The following ARSB variants were observed in gnomAD, a reference collection of about 807,000 sequenced individuals.
ARSB encodes arylsulfatase B.
A neutral mutation model predicts 50.9 loss-of-function variants in ARSB; 41 were observed. The observed-to-expected ratio is 0.81, with a 90% confidence interval of 0.63 to 1.04. The LOEUF (loss-of-function observed/expected upper bound fraction) is 1.04, where lower values mean the gene tolerates loss of function less well. Ranked by LOEUF, ARSB falls within the 50% of genes least tolerant of loss-of-function variation. The probability of loss-of-function intolerance (pLI) is 0.00; values close to 1 mark genes in which losing one functional copy is unlikely to be tolerated. For synonymous variants in ARSB, 269 were observed against 284.8 expected (o/e 0.94, Z 0.56); for missense variants, 672 against 693.3 (o/e 0.97, Z 0.35).
At chr5:78,790,676 C>T (rs1247268280) in intron 6 of ARSB, among the ~76,000 whole-genome samples, 5 of 152,158 alleles carry the variant, frequency 3.3e-5, no homozygotes, top group Non-Finnish European at 5.9e-5. Context: ...CAGATATTAA[C>T]ATCTGTCAAT....
intron 4 of ARSB, among the ~76,000 whole-genome samples, chr5:78,894,200 T>C (rs1340634441): frequency 1.3e-5 from 2 of 152,204 alleles, no homozygotes; most frequent in African/African-American, 4.8e-5. Context: ...AACAGAATTG[T>C]GGTTTCAAAA....
At chr5:78,954,202 C>T (rs1751611765) in intron 4 of ARSB, among the ~76,000 whole-genome samples, 3 of 152,022 alleles carry the variant, frequency 2.0e-5, no homozygotes, top group South Asian at 2.1e-4. Flanking sequence ...GAGGGCCACA[C>T]AATTCCAAAA....
chr5:78,952,470 T>C (rs1160105254), intron 4 of ARSB, among the ~76,000 whole-genome samples: 1 of 152,066 alleles, frequency 6.6e-6, no homozygotes, highest in East Asian at 1.9e-4. Flanking sequence ...TCCAGTAGCT[T>C]GGACTACAGG....
In ARSB at chr5:78,964,145, A is replaced by C. The variant is rs7730261; in HGVS notation, c.690+271T>G. Among the ~76,000 whole-genome samples, 40,350 of 152,062 alleles carry C rather than the reference A, an allele frequency of 0.27. 6,659 individuals carry two copies. The highest frequency in any genetic ancestry group is 0.47 in the African/African-American group (19,468 of 41,456). On this transcript the variant is annotated intron_variant, in intron 3 of 7. Transcript: ENST00000264914. ...TTCCTCAAAGTGTGATCTGGGGACC[A>C]CTCTTAAGAATCACCTTTTAAGAGT...
At chr5:78,811,606 T>G (rs150223132) in intron 6 of ARSB, among the ~76,000 whole-genome samples, 152 of 152,354 alleles carry the variant, frequency 1.0e-3, no homozygotes, top group African/African-American at 3.4e-3. Context: ...TGTTAACCTT[T>G]TAAACATTTG....
intron 6 of ARSB, among the ~76,000 whole-genome samples, chr5:78,788,228 A>G (rs16875913): frequency 0.098 from 14,856 of 152,280 alleles, 786 homozygotes; most frequent in Middle Eastern, 0.2. Flanking sequence ...ATTCAGCTAT[A>G]AGATGGATTA....
rs751816852 is a variant in ARSB at position 78,985,121 on chromosome 5, CGGCTGGCCCCGG to C, written c.116_127del (p.Ala39_Arg43delinsGly). The C allele has an allele frequency of 3.4e-6, 5 of 1,481,784 alleles. No individual in the cohort carries two copies. The African/African-American group carries it at 5.8e-5, about 17-fold the overall frequency. The allele number at this position is 1,481,784 out of a possible 1,614,324, so 91.8% of individuals were successfully genotyped here. A position where few individuals can be genotyped will look rare whatever the true frequency, so the allele number is the denominator to read the frequency against. Reference sequence around the variant, plus strand: ...CAGCAAGAAGACCAGGTGGGGCGGCCGGCTGGCCCCGGCGCCCGAGCCCGGCGGCGCCAACAA... The same window carrying C: ...CAGCAAGAAGACCAGGTGGGGCGGCCCGCCCGAGCCCGGCGGCGCCAACAA... On this transcript the variant is annotated inframe_deletion, in exon 1 of 8. Transcript: ENST00000264914.
At chr5:78,908,456 A>G (rs575143999) in intron 4 of ARSB, among the ~76,000 whole-genome samples, 1 of 152,320 alleles carries the variant, frequency 6.6e-6, no homozygotes, top group Non-Finnish European at 1.5e-5. Flanking sequence ...GTGGAGCAGC[A>G]GCGGAGAGCA....
rs61543461 is a variant in ARSB, at chr5:78,785,494, G to A, written c.1214-3520C>T. Among the ~76,000 whole-genome samples the A allele has an allele frequency of 3.4e-3, 524 of 152,234 alleles. 3 individuals carry two copies. Among genetic ancestry groups the A allele is most frequent in the African/African-American group, 0.012 (501 of 41,544 alleles). ...TCTTCTATGACTGGATAATTATTTTGAAAACTCCCTCTTTAATTCTAATAG... is the reference window on the plus strand; with the variant it reads ...TCTTCTATGACTGGATAATTATTTTAAAAACTCCCTCTTTAATTCTAATAG... On this transcript the variant is annotated intron_variant, in intron 6 of 7. Transcript: ENST00000264914.
intron 6 of ARSB, among the ~76,000 whole-genome samples, chr5:78,834,607 G>GTGTATATATATATATA (rs1185355030): frequency 1.4e-4 from 12 of 85,644 alleles, no homozygotes; most frequent in Non-Finnish European, 2.1e-4. Context: ...ATATATATGT[G>GTGTATATATATATATA]TATATATATA....
At chr5:78,813,071 C>CCTTT (rs2112661544) in intron 6 of ARSB, among the ~76,000 whole-genome samples, 1 of 152,068 alleles carries the variant, frequency 6.6e-6, no homozygotes, top group Non-Finnish European at 1.5e-5. Context: ...TTTCTTCCTT[C>CCTTT]CTTCCTTTCT....
intron 4 of ARSB, among the ~76,000 whole-genome samples, chr5:78,952,687 T>C (rs1211966529): frequency 1.3e-5 from 2 of 152,176 alleles, no homozygotes; most frequent in African/African-American, 4.8e-5. Context: ...TTAGAGATAT[T>C]TAATACAGTC....
intron 4 of ARSB, among the ~76,000 whole-genome samples, chr5:78,897,646 G>A (rs1371889897): frequency 1.3e-5 from 2 of 152,144 alleles, no homozygotes; most frequent in Non-Finnish European, 2.9e-5. Flanking sequence ...TATGGCCCAT[G>A]GGAGTGGCAT....
intron 6 of ARSB, among the ~76,000 whole-genome samples, chr5:78,782,334 T>A (rs1441665066): frequency 6.6e-6 from 1 of 152,254 alleles, no homozygotes; most frequent in African/African-American, 2.4e-5. Context: ...AAACACACTT[T>A]CTGTGTATAC....
At chr5:78,785,941 T>A (rs886541482) in intron 6 of ARSB, among the ~76,000 whole-genome samples, 1 of 152,208 alleles carries the variant, frequency 6.6e-6, no homozygotes, top group African/African-American at 2.4e-5. Flanking sequence ...TTCCTTCTAA[T>A]CAATAGGGAG....
intron 6 of ARSB, among the ~76,000 whole-genome samples, chr5:78,824,317 A>C (rs969917868): frequency 1.3e-5 from 2 of 152,268 alleles, no homozygotes; most frequent in Non-Finnish European, 2.9e-5. Context: ...GTCTTTAATT[A>C]GATATCTTAG....
intron 4 of ARSB, among the ~76,000 whole-genome samples, chr5:78,949,696 G>A (rs1453419436): frequency 2.6e-5 from 4 of 152,176 alleles, no homozygotes; most frequent in Non-Finnish European, 4.4e-5. Context: ...GATTGCCTGA[G>A]CTCAGGAGTT....
intron 6 of ARSB, among the ~76,000 whole-genome samples, chr5:78,806,271 C>T (rs1743559177): frequency 1.3e-5 from 2 of 152,202 alleles, no homozygotes; most frequent in South Asian, 4.1e-4. Context: ...TGTCCCCTGG[C>T]ATGTGTAACA....
chr5:78,842,505 T>C (rs1278260178), intron 5 of ARSB, among the ~76,000 whole-genome samples: 2 of 152,118 alleles, frequency 1.3e-5, no homozygotes, highest in African/African-American at 4.8e-5. Context: ...GAGTTAAAAT[T>C]TCCCCAGACC....
Sources: allele counts gnomAD v4.1 joint callset (sites outside exome capture counted in the v4.1 genomes callset), GRCh38; gene constraint gnomAD v4.1.1; transcripts MANE v1.5; gene names NCBI Gene and HGNC (gene_info 2026-07-23, HGNC 2026-07-21).